SLC35F4: variants seen among roughly 807,000 people sequenced by gnomAD.
SLC35F4 encodes the protein chromosome 14 open reading frame 36.
SLC35F4 carries 24 observed loss-of-function variants against 44.2 expected under a neutral mutation model. The ratio of observed to expected loss-of-function variants is 0.54; its 90% CI spans 0.39 to 0.76. The LOEUF (loss-of-function observed/expected upper bound fraction) is 0.76. Ranked by LOEUF, SLC35F4 falls within the 30% of genes least tolerant of loss-of-function variation. The probability of loss-of-function intolerance (pLI) is 0.00; values close to 1 mark genes in which losing one functional copy is unlikely to be tolerated. For missense variants in SLC35F4, 562 were observed against 586.1 expected (o/e 0.96, Z 0.42); for synonymous variants, 238 against 223.6 (o/e 1.06, Z -0.57).
At chr14:57,657,386 T>A (rs2074002250) in intron 1 of SLC35F4, among the ~76,000 whole-genome samples, 1 of 152,200 alleles carries the variant, frequency 6.6e-6, no homozygotes, top group South Asian at 2.1e-4. Flanking sequence ...CTGAGAGCCA[T>A]CTCATGCTAT....
Position 57,701,948 on chromosome 14 carries a change from A to G in SLC35F4, c.104-107824T>C, listed in dbSNP as rs537007176. On this transcript the variant is annotated intron_variant, in intron 1 of 7. Transcript: ENST00000556826. The stretch of plus-strand genomic sequence containing the variant: ...AATGGGGGACTACTGTATATTTTCA[A>G]TATTCTAGGAATGGGAAGGAGACTA... 2.6e-5 allele frequency among the ~76,000 whole-genome samples: 4 copies of G among 152,286 alleles called. No individual in the cohort carries two copies. In the South Asian group the frequency reaches 6.2e-4, roughly 24 times the overall value.
At chr14:57,754,852 T>C (rs1365736647) in intron 1 of SLC35F4, among the ~76,000 whole-genome samples, 3 of 152,238 alleles carry the variant, frequency 2.0e-5, no homozygotes, top group African/African-American at 7.2e-5. Context: ...TGATCAGCAG[T>C]GTGTCCTGAT....
intron 1 of SLC35F4, among the ~76,000 whole-genome samples, chr14:57,647,826 C>T (rs1200532763): frequency 6.6e-6 from 1 of 152,078 alleles, no homozygotes; most frequent in Non-Finnish European, 1.5e-5. Flanking sequence ...CTCTACCATC[C>T]CCCAGGCGAT....
At chr14:57,953,748 C>A (rs1402366154) in intron 1 of SLC35F4, among the ~76,000 whole-genome samples, 1 of 152,104 alleles carries the variant, frequency 6.6e-6, no homozygotes, top group Non-Finnish European at 1.5e-5. Context: ...ATATATGCAC[C>A]CAATACAGGA....
At chr14:57,738,560 T>C (rs1314552637) in intron 1 of SLC35F4, among the ~76,000 whole-genome samples, 1 of 151,914 alleles carries the variant, frequency 6.6e-6, no homozygotes, top group Non-Finnish European at 1.5e-5. Context: ...TGGTATAGAT[T>C]ATATAATACA....
chr14:57,615,742 A>G (rs760273747), intron 1 of SLC35F4, among the ~76,000 whole-genome samples: 8 of 152,142 alleles, frequency 5.3e-5, no homozygotes, highest in Non-Finnish European at 1.2e-4. Context: ...ACCAAAGGAT[A>G]TAGTTTTTAA....
intron 1 of SLC35F4, among the ~76,000 whole-genome samples, chr14:57,838,934 A>G (rs1014369421): frequency 5.3e-5 from 8 of 152,208 alleles, no homozygotes; most frequent in Non-Finnish European, 1.0e-4. Context: ...ACCATATTTG[A>G]GGATGCCATA....
chr14:57,746,568 G>A (rs2076759628), intron 1 of SLC35F4, among the ~76,000 whole-genome samples: 1 of 151,740 alleles, frequency 6.6e-6, no homozygotes, highest in South Asian at 2.1e-4. Context: ...TTTATTTTTT[G>A]TATCTATTTC....
intron 1 of SLC35F4, among the ~76,000 whole-genome samples, chr14:57,932,402 C>T (rs1471349311): frequency 6.6e-6 from 1 of 152,150 alleles, no homozygotes; most frequent in Non-Finnish European, 1.5e-5. Flanking sequence ...TTTTCACAGT[C>T]ATAGTTTTCA....
chr14:57,567,410 G>T (rs117494370), intron 6 of SLC35F4, among the ~76,000 whole-genome samples: 1 of 152,208 alleles, frequency 6.6e-6, no homozygotes, highest in Non-Finnish European at 1.5e-5. Context: ...AGGCAAGCAT[G>T]TTGTGTATAT....
intron 6 of SLC35F4, among the ~76,000 whole-genome samples, chr14:57,567,070 T>A (rs1474896361): frequency 6.6e-6 from 1 of 152,238 alleles, no homozygotes; most frequent in Non-Finnish European, 1.5e-5. Flanking sequence ...AGGGTGGGTT[T>A]AATGTAATTC....
In SLC35F4 at chr14:57,625,819, A is replaced by T. The variant is rs564778367; in HGVS notation, c.104-31695T>A. On this transcript the variant is annotated intron_variant, in intron 1 of 7. Coordinates refer to ENST00000556826, the MANE Select transcript of SLC35F4 (RefSeq NM_001306087.2). The stretch of plus-strand genomic sequence containing the variant: ...TACCATTTGACCTAGCAATCCCATT[A>T]CTGGGTATATACCCAAAGGATTATA... Among the ~76,000 whole-genome samples the T allele has an allele frequency of 9.2e-5, 14 of 152,306 alleles. No homozygotes were observed. The South Asian group carries it at 2.5e-3, about 27-fold the overall frequency.
Position 57,834,774 on chromosome 14 carries a change from C to T in SLC35F4, c.103+30949G>A, listed in dbSNP as rs568166998. ...GTGGCTCATGCCTGTAATCCTAACACTTTAGGAGGCCGAGGTAGGCGGATC... is the reference window on the plus strand; with the variant it reads ...GTGGCTCATGCCTGTAATCCTAACATTTTAGGAGGCCGAGGTAGGCGGATC... On this transcript the variant is annotated intron_variant, in intron 1 of 7. Coordinates refer to ENST00000556826, the MANE Select transcript of SLC35F4 (RefSeq NM_001306087.2). Among the ~76,000 whole-genome samples, 4 of 152,322 alleles carry T rather than the reference C, an allele frequency of 2.6e-5. No homozygotes were observed. In the South Asian group the frequency reaches 6.2e-4, roughly 24 times the overall value.
intron 1 of SLC35F4, among the ~76,000 whole-genome samples, chr14:57,766,087 A>C (rs1001405333): frequency 2.6e-5 from 4 of 152,328 alleles, no homozygotes; most frequent in African/African-American, 4.8e-5. Context: ...TTGATGAGTT[A>C]GTTGGGAGTA....
chr14:57,948,485 T>G (rs936902765), intron 1 of SLC35F4, among the ~76,000 whole-genome samples: 2 of 152,100 alleles, frequency 1.3e-5, no homozygotes, highest in Non-Finnish European at 2.9e-5. Context: ...AATAACCAGA[T>G]TTTTGTTTTA....
intron 1 of SLC35F4, among the ~76,000 whole-genome samples, chr14:57,651,227 A>C (rs55764056): frequency 0.063 from 9,588 of 152,276 alleles, 443 homozygotes; most frequent in South Asian, 0.096. Flanking sequence ...TGACTGATTA[A>C]ATGAACAAAT....
intron 1 of SLC35F4, among the ~76,000 whole-genome samples, chr14:57,770,892 T>G (rs1351648885): frequency 2.0e-5 from 3 of 152,216 alleles, no homozygotes; most frequent in Non-Finnish European, 4.4e-5. Flanking sequence ...AAACCCTATT[T>G]GGTCCTGCAT....
intron 1 of SLC35F4, among the ~76,000 whole-genome samples, chr14:57,961,233 T>C (rs988405076): frequency 6.6e-6 from 1 of 152,152 alleles, no homozygotes; most frequent in Non-Finnish European, 1.5e-5. Flanking sequence ...TGGGACCAAA[T>C]ACCATCTCTT....
intron 1 of SLC35F4, among the ~76,000 whole-genome samples, chr14:57,826,499 A>G (rs1228072797): frequency 6.6e-6 from 1 of 152,174 alleles, no homozygotes; most frequent in East Asian, 1.9e-4. Flanking sequence ...CAACAAAAGC[A>G]AAAATCAACA....
Sources: allele counts gnomAD v4.1 joint callset (sites outside exome capture counted in the v4.1 genomes callset), GRCh38; gene constraint gnomAD v4.1.1; transcripts MANE v1.5; gene names NCBI Gene and HGNC (gene_info 2026-07-23, HGNC 2026-07-21).